Variants in DNAJC13 observed in about 807,000 individuals in gnomAD.
DNAJC13 encodes the protein dnaJ homolog subfamily C member 13.
In DNAJC13, 75 loss-of-function variants were observed where a neutral mutation model predicts 290.5. The observed-to-expected ratio is 0.26, with a 90% confidence interval of 0.21 to 0.31. The LOEUF (loss-of-function observed/expected upper bound fraction) is 0.31. Ranked by LOEUF, DNAJC13 falls within the 10% of genes least tolerant of loss-of-function variation. DNAJC13 has a pLI of 1.00. For missense variants in DNAJC13, 2,260 were observed against 2,674.5 expected (o/e 0.85, Z 3.42); for synonymous variants, 862 against 892.0 (o/e 0.97, Z 0.60).
intron 12 of DNAJC13, among the ~76,000 whole-genome samples, 173 bp from the exon 13 acceptor site, chr3:132,457,096 T>G (rs1933627982): frequency 1.3e-5 from 2 of 152,140 alleles, no homozygotes; most frequent in South Asian, 4.1e-4. Context: ...CTAAAAAATA[T>G]TTTCCCTCTC....
intron 34 of DNAJC13, 142 bp from the exon 35 acceptor site, chr3:132,494,942 ATTCT>A (rs796276389): frequency 4.6e-5 from 22 of 475,132 alleles, no homozygotes; most frequent in African/African-American, 4.4e-4. Flanking sequence ...AAAAATCTTA[ATTCT>A]TTCTGGGTTT....
chr3:132,455,614 T>G (rs1933572218), intron 9 of DNAJC13, among the ~76,000 whole-genome samples: 1 of 152,046 alleles, frequency 6.6e-6, no homozygotes, highest in Admixed American at 6.6e-5. Context: ...ACAGACAAAA[T>G]GTTGCCTGTT....
chr3:132,536,361 C>G (rs1936591516), intron 55 of DNAJC13, among the ~76,000 whole-genome samples: 1 of 152,026 alleles, frequency 6.6e-6, no homozygotes, highest in Admixed American at 6.6e-5. Context: ...CCCAGGAGTT[C>G]AAGGCAACAT....
chr3:132,528,271 C>G lies in DNAJC13; in HGVS notation c.6464C>G (p.Thr2155Ser), dbSNP rs1210765269. The change falls in exon 54 of 56, where the codon ACT becomes AGT. Residue 2155 changes from threonine (T) to serine (S), a missense_variant. This residue lies in a region of DNAJC13 where 1,494 missense variants were observed against 1,693.7 expected (regional missense o/e 0.88). Transcript: ENST00000260818. ...GLENLDSPAA[T>S]KAQIVKALKA... ...GAAAACCTGGACAGCCCAGCAGCCA[C>G]TAAGGCTCAGATTGTTAAAGCTCTC... The G allele has an allele frequency of 1.9e-6, 3 of 1,614,176 alleles. No individual in the cohort carries two copies. Among genetic ancestry groups the G allele is most frequent in the Non-Finnish European group, 1.7e-6 (2 of 1,180,024 alleles).
At chr3:132,428,982 C>T (rs536936660) in intron 1 of DNAJC13, among the ~76,000 whole-genome samples, 48 of 151,276 alleles carry the variant, frequency 3.2e-4, no homozygotes, top group African/African-American at 1.1e-3. Flanking sequence ...ATTTGTCCAC[C>T]TCGGCCTCCC....
chr3:132,425,389 T>C (rs1293300725), intron 1 of DNAJC13, among the ~76,000 whole-genome samples: 7 of 152,174 alleles, frequency 4.6e-5, no homozygotes, highest in African/African-American at 1.7e-4. Flanking sequence ...CAACATATTG[T>C]AAACATTTTC....
chr3:132,503,336 G>A lies in DNAJC13; in HGVS notation c.4839G>A (p.Leu1613=), dbSNP rs757547954. ...PTIRKSLAGM[L]TPYVARKLAV... is the part of the protein sequence containing the mutation. The stretch of plus-strand genomic sequence containing the variant: ...TAAGGAAAAGCTTAGCTGGCATGCT[G>A]ACACCCTATGTTGCTAGAAAACTTG... The change falls in exon 41 of 56, where the codon CTG becomes CTA. Residue 1613 remains leucine (L), a synonymous_variant. Coordinates refer to ENST00000260818, the MANE Select transcript of DNAJC13 (RefSeq NM_015268.4). 2.7e-5 allele frequency: 44 copies of A among 1,614,018 alleles called. No homozygotes were observed. Among genetic ancestry groups the A allele is most frequent in the Non-Finnish European group, 3.6e-5 (43 of 1,179,986 alleles).
chr3:132,525,376 C>G (rs1936223668), intron 51 of DNAJC13, among the ~76,000 whole-genome samples: 1 of 152,150 alleles, frequency 6.6e-6, no homozygotes, highest in African/African-American at 2.4e-5. Context: ...GTATACCTAA[C>G]CGAGTAAAAT....
chr3:132,446,632 T>A, intron 3 of DNAJC13, 82 bp downstream of exon 3: 1 of 851,358 alleles, frequency 1.2e-6, no homozygotes, highest in Non-Finnish European at 1.9e-6. Flanking sequence ...TACCCTCCCT[T>A]AAATCAGTAC....
chr3:132,451,640 C>T (rs1197687569), intron 6 of DNAJC13, among the ~76,000 whole-genome samples: 1 of 152,068 alleles, frequency 6.6e-6, no homozygotes, highest in African/African-American at 2.4e-5. Context: ...TTGCAAAATT[C>T]CTTTCTCTTG....
intron 9 of DNAJC13, among the ~76,000 whole-genome samples, chr3:132,455,090 C>T (rs762247097): frequency 8.6e-5 from 13 of 151,958 alleles, no homozygotes; most frequent in Non-Finnish European, 1.6e-4. Flanking sequence ...AAAGACAGAT[C>T]GCAGGGAGAA....
chr3:132,426,292 A>G (rs902970340), intron 1 of DNAJC13, among the ~76,000 whole-genome samples: 1 of 152,214 alleles, frequency 6.6e-6, no homozygotes, highest in Non-Finnish European at 1.5e-5. Context: ...AAAATTGGAG[A>G]TGCTTTCAAT....
intron 54 of DNAJC13, among the ~76,000 whole-genome samples, chr3:132,529,807 A>G (rs1936363250): frequency 6.7e-6 from 1 of 150,100 alleles, no homozygotes; most frequent in African/African-American, 2.5e-5. Context: ...AAAAAAAGAG[A>G]TATTAAAGAA....
chr3:132,506,251 C>T (rs1935584106), intron 42 of DNAJC13, among the ~76,000 whole-genome samples: 1 of 151,250 alleles, frequency 6.6e-6, no homozygotes, highest in African/African-American at 2.4e-5. Context: ...GGGGTTTCTC[C>T]ATGTTGGTCA....
At chr3:132,519,381 T>C (rs936812166) in intron 48 of DNAJC13, among the ~76,000 whole-genome samples, 5 of 152,230 alleles carry the variant, frequency 3.3e-5, no homozygotes, top group African/African-American at 1.2e-4. Flanking sequence ...TTCATGTGCT[T>C]ATTGGCCATT....
intron 1 of DNAJC13, among the ~76,000 whole-genome samples, chr3:132,429,341 G>C (rs1939184921): frequency 6.6e-6 from 1 of 151,922 alleles, no homozygotes; most frequent in Non-Finnish European, 1.5e-5. Context: ...AGGTATTAAA[G>C]TTTAGGTTAA....
chr3:132,419,342 TTAA>T (rs1331257801), intron 1 of DNAJC13, among the ~76,000 whole-genome samples: 1 of 152,160 alleles, frequency 6.6e-6, no homozygotes, highest in African/African-American at 2.4e-5. Context: ...CTAAAATATA[TTAA>T]TGTTATATAT....
rs1305785012 is a variant in DNAJC13, at chr3:132,426,727, C to T, written c.-13-7811C>T. On this transcript the variant is annotated intron_variant, in intron 1 of 55. Transcript: ENST00000260818. ...CCTATAAGTGATGATTTTTTTGAAT[C>T]ACTTTTAGAGCTTATTAATGTACAG... 3.3e-5 allele frequency among the ~76,000 whole-genome samples: 5 copies of T among 151,858 alleles called. No homozygotes were observed. The East Asian group carries it at 9.7e-4, about 29-fold the overall frequency.
At chr3:132,434,648 G>C in intron 2 of DNAJC13, 30 bp downstream of exon 2, 2 of 1,537,910 alleles carry the variant, frequency 1.3e-6, no homozygotes, top group Non-Finnish European at 1.8e-6. Context: ...TTTTTTTTCT[G>C]TGCTTCTATA....
Sources: gnomAD v4.1 joint callset for allele counts (sites outside exome capture counted in the v4.1 genomes callset) on GRCh38, gnomAD v4.1.1 for gene constraint, gnomAD v4.1.1 regional missense constraint, MANE v1.5 for transcripts, NCBI Gene and HGNC (gene_info 2026-07-23, HGNC 2026-07-21) for gene names.